AKAP6: variants seen among roughly 807,000 people sequenced by gnomAD.
The protein encoded by AKAP6 is A-kinase anchor protein 6.
In AKAP6, 58 loss-of-function variants were observed where a neutral mutation model predicts 188.5. The ratio of observed to expected loss-of-function variants is 0.31; its 90% CI spans 0.25 to 0.38. The LOEUF (loss-of-function observed/expected upper bound fraction) is 0.38, where lower values mean the gene tolerates loss of function less well. Ranked by LOEUF, AKAP6 falls within the 10% of genes least tolerant of loss-of-function variation. The probability of loss-of-function intolerance (pLI) is 1.00; values close to 1 mark genes in which losing one functional copy is unlikely to be tolerated. For synonymous variants in AKAP6, 989 were observed against 998.6 expected (o/e 0.99, Z 0.18); for missense variants, 2,710 against 2,740.0 (o/e 0.99, Z 0.24).
Position 32,837,521 on chromosome 14 carries a change from G to A in AKAP6, c.*7716G>A, listed in dbSNP as rs1374448739. 3.9e-5 allele frequency: 6 copies of A among 152,126 alleles called. No homozygotes were observed. Among genetic ancestry groups the A allele is most frequent in the South Asian group, 4.1e-4 (2 of 4,836 alleles). The allele number at this position is 152,126 out of a possible 1,614,324, so 9.4% of individuals were successfully genotyped here. On this transcript the variant is annotated 3_prime_UTR_variant, in exon 14 of 14. Transcript: ENST00000280979. ...AGGTTTATAGAATTAGTTTGGTTCCGTTAGTTGATCAAGTTACTTACACTA... is the reference window on the plus strand; with the variant it reads ...AGGTTTATAGAATTAGTTTGGTTCCATTAGTTGATCAAGTTACTTACACTA...
intron 2 of AKAP6, among the ~76,000 whole-genome samples, chr14:32,446,903 C>T (rs1344858949): frequency 2.6e-5 from 4 of 152,086 alleles, no homozygotes; most frequent in Non-Finnish European, 1.5e-5. Context: ...TTACTCATCA[C>T]ACTTAAATTA....
chr14:32,528,501 A>G (rs934625901), intron 2 of AKAP6, among the ~76,000 whole-genome samples: 7 of 152,054 alleles, frequency 4.6e-5, no homozygotes, highest in Non-Finnish European at 5.9e-5. Flanking sequence ...ATGGGGGCCT[A>G]CCTCTAGGCT....
chr14:32,675,487 T>C (rs1889387517), intron 7 of AKAP6, among the ~76,000 whole-genome samples: 2 of 152,352 alleles, frequency 1.3e-5, no homozygotes, highest in African/African-American at 4.8e-5. Context: ...TTTCTTCAAC[T>C]CTTTCTCTTA....
rs370434287 is a variant in AKAP6, at chr14:32,827,898, C to T, written c.*43-1950C>T. 7.9e-5 allele frequency among the ~76,000 whole-genome samples: 12 copies of T among 152,082 alleles called. No homozygotes were observed. The South Asian group carries it at 1.0e-3, about 13-fold the overall frequency. On this transcript the variant is annotated intron_variant, in intron 13 of 13. Coordinates refer to ENST00000280979, the MANE Select transcript of AKAP6 (RefSeq NM_004274.5). ...GTATAAAAATTTAACTCATCATATG[C>T]GGCCAGTGTGTGCTTTTTCTTTTCC...
At chr14:32,362,443 A>G (rs1887694941) in intron 1 of AKAP6, among the ~76,000 whole-genome samples, 1 of 152,210 alleles carries the variant, frequency 6.6e-6, no homozygotes, top group African/African-American at 2.4e-5. Flanking sequence ...GACTCGGGAA[A>G]AGCTTCAGAG....
At chr14:32,355,015 A>G (rs926751261) in intron 1 of AKAP6, among the ~76,000 whole-genome samples, 3 of 152,146 alleles carry the variant, frequency 2.0e-5, no homozygotes, top group African/African-American at 7.2e-5. Flanking sequence ...ACAGATGGTG[A>G]CATTTCCTGC....
intron 12 of AKAP6, among the ~76,000 whole-genome samples, chr14:32,788,534 C>T (rs964240878): frequency 3.3e-5 from 5 of 152,160 alleles, no homozygotes; most frequent in African/African-American, 1.2e-4. Flanking sequence ...GGGGTGGGGG[C>T]AACAGCCCAC....
At chr14:32,657,163 A>G (rs1024025913) in intron 7 of AKAP6, among the ~76,000 whole-genome samples, 2 of 152,174 alleles carry the variant, frequency 1.3e-5, no homozygotes, top group South Asian at 2.1e-4. Context: ...CTGATTTGAC[A>G]TAGGGAAAAA....
chr14:32,569,160 T>C (rs1378577881), intron 4 of AKAP6, among the ~76,000 whole-genome samples: 1 of 152,214 alleles, frequency 6.6e-6, no homozygotes, highest in Non-Finnish European at 1.5e-5. Flanking sequence ...CCTGGGTAGC[T>C]TTAGATAATA....
In AKAP6 at chr14:32,748,618, A is replaced by T. The variant is rs61981384; in HGVS notation, c.3372+12736A>T. The stretch of plus-strand genomic sequence containing the variant: ...AGGAACTGAATTATCTATTAATTGG[A>T]TCATTGACCTGCTTACTACCTAGAT... On this transcript the variant is annotated intron_variant, in intron 11 of 13. Coordinates refer to ENST00000280979, the MANE Select transcript of AKAP6 (RefSeq NM_004274.5). 5.5e-3 allele frequency among the ~76,000 whole-genome samples: 834 copies of T among 152,302 alleles called. 3 individuals carry two copies. Among genetic ancestry groups the T allele is most frequent in the Non-Finnish European group, 9.3e-3 (633 of 68,014 alleles).
intron 11 of AKAP6, among the ~76,000 whole-genome samples, chr14:32,766,133 C>T (rs1165632166): frequency 6.6e-6 from 1 of 152,022 alleles, no homozygotes; most frequent in Non-Finnish European, 1.5e-5. Context: ...TTGTATCTGT[C>T]TTCTTTCACT....
At chr14:32,584,435 T>C (rs1257645092) in intron 5 of AKAP6, among the ~76,000 whole-genome samples, 1 of 152,222 alleles carries the variant, frequency 6.6e-6, no homozygotes, top group Non-Finnish European at 1.5e-5. Context: ...TTTGCATTTA[T>C]ATTTTCAGAC....
rs2034625198 is a variant in AKAP6 at position 32,824,508 on chromosome 14, C to T, written c.6695C>T (p.Pro2232Leu). 2 of 1,613,836 alleles carry T rather than the reference C, an allele frequency of 1.2e-6. No individual in the cohort carries two copies. The highest frequency in any genetic ancestry group is 1.7e-6 in the Non-Finnish European group (2 of 1,179,970). Residue 2232 changes from proline (P) to leucine (L), a missense_variant, in exon 13 of 14, where the codon CCC becomes CTC. By Grantham distance (98) the Pro-to-Leu change is moderately conservative. Coordinates refer to ENST00000280979, the MANE Select transcript of AKAP6 (RefSeq NM_004274.5). ...GTTGGAAAGGAAGTGAATGGTTTGC[C>T]CCAAACTTCCAGTGGCTGTGCAGAA... ...AEVGKEVNGL[P>L]QTSSGCAENL... is the part of the protein sequence containing the mutation.
intron 9 of AKAP6, among the ~76,000 whole-genome samples, chr14:32,703,121 TTAAAAAAA>T (rs1195724645): frequency 6.6e-6 from 1 of 151,982 alleles, no homozygotes; most frequent in Non-Finnish European, 1.5e-5. Context: ...ATGCAACTGT[TTAAAAAAA>T]TAAAACTTGA....
chr14:32,735,981 TC>T, intron 11 of AKAP6, 99 bp downstream of exon 11: 1 of 876,148 alleles, frequency 1.1e-6, no homozygotes, highest in East Asian at 2.5e-5. Flanking sequence ...TATCTGTGTA[TC>T]ACTGTGCACC....
chr14:32,644,326 G>T (rs574979835), intron 7 of AKAP6, among the ~76,000 whole-genome samples: 4 of 152,292 alleles, frequency 2.6e-5, no homozygotes, highest in Admixed American at 1.3e-4. Flanking sequence ...GACATTTTCT[G>T]TGAAGGTCAT....
intron 7 of AKAP6, among the ~76,000 whole-genome samples, chr14:32,609,880 GACAC>G (rs71115085): frequency 0.051 from 6,946 of 137,254 alleles, 234 homozygotes; most frequent in African/African-American, 0.096. Context: ...CTCTCTCTCT[GACAC>G]ACACACACAC....
At chr14:32,797,104 C>T (rs2140074166) in intron 12 of AKAP6, among the ~76,000 whole-genome samples, 2 of 152,190 alleles carry the variant, frequency 1.3e-5, no homozygotes, top group South Asian at 4.2e-4. Context: ...GTCAGAATGA[C>T]TATTGTTAAA....
At chr14:32,611,349 G>A (rs1886344599) in intron 7 of AKAP6, among the ~76,000 whole-genome samples, 1 of 152,136 alleles carries the variant, frequency 6.6e-6, no homozygotes, top group African/African-American at 2.4e-5. Context: ...AGATATTTTT[G>A]TAACCTCCCC....
Sources: gnomAD v4.1 joint callset for allele counts (sites outside exome capture counted in the v4.1 genomes callset) on GRCh38, gnomAD v4.1.1 for gene constraint, MANE v1.5 for transcripts, NCBI Gene and HGNC (gene_info 2026-07-23, HGNC 2026-07-21) for gene names.